Variants in AGAP4 observed in about 807,000 individuals in gnomAD.
AGAP4 encodes the protein arf-GAP with GTPase, ANK repeat and PH domain-containing protein 4.
Under a neutral mutation model 60.7 loss-of-function variants are expected in AGAP4, and 13 were observed. The observed-to-expected ratio is 0.21, with a 90% confidence interval of 0.14 to 0.34. The LOEUF is 0.34. AGAP4 is among the 10% of genes least tolerant of loss of function. The pLI is 1.00. For missense variants in AGAP4, 169 were observed against 884.0 expected (o/e 0.19, Z 10.26); for synonymous variants, 70 against 339.0 (o/e 0.21, Z 8.72).
chr10:45,841,212 C>T lies in AGAP4; in HGVS notation c.396+441G>A, dbSNP rs1318914865. On this transcript the variant is annotated intron_variant, in intron 4 of 7. Transcript: ENST00000616763. ...CCGCCTCCTGGGTTCAAGTGATTCTCCTGCCTCAGCCTCCTGAGTAGCTGA... is the reference window on the plus strand; with the variant it reads ...CCGCCTCCTGGGTTCAAGTGATTCTTCTGCCTCAGCCTCCTGAGTAGCTGA... Among the ~76,000 whole-genome samples the T allele has an allele frequency of 5.7e-5, 7 of 122,230 alleles. No homozygotes were observed. In the East Asian group the frequency reaches 7.7e-4, roughly 13 times the overall value. 80.2% of individuals were successfully genotyped at this position (122,230 alleles called of 152,430 possible).
chr10:45,851,594 C>T (rs1188458115), upstream of AGAP4, among the ~76,000 whole-genome samples: 1 of 150,788 alleles, frequency 6.6e-6, no homozygotes, highest in Non-Finnish European at 1.5e-5. Flanking sequence ...AAGTATTTGG[C>T]TGAGAAGAGA....
In AGAP4 at chr10:45,846,691, T is replaced by A; in HGVS notation, c.288A>T (p.Thr96=). ...ASTIFQRNSQ[T]DALEFNPSAN... ...CTACAGACACTGTTGTCTCACCATC[T>A]GTTTGAGAGTTCCTCTGGAATATTG... Residue 96 remains threonine, a synonymous_variant, in exon 2 of 8, where the codon ACA becomes ACT. Coordinates refer to ENST00000616763, the MANE Select transcript of AGAP4 (RefSeq NM_001276343.3). 1.7e-6 allele frequency: 2 copies of A among 1,156,570 alleles called. No individual in the cohort carries two copies. Among genetic ancestry groups the A allele is most frequent in the Non-Finnish European group, 2.4e-6 (2 of 844,490 alleles). 71.6% of individuals were successfully genotyped at this position (1,156,570 alleles called of 1,614,324 possible). A position where few individuals can be genotyped will look rare whatever the true frequency, so the allele number is the denominator to read the frequency against.
At chr10:45,849,707 C>G (rs1590043975), upstream of AGAP4, among the ~76,000 whole-genome samples, 2 of 150,516 alleles carry the variant, frequency 1.3e-5, no homozygotes, top group African/African-American at 4.9e-5. Flanking sequence ...ATGGCATGAT[C>G]TTGGCTCACT....
intron 4 of AGAP4, among the ~76,000 whole-genome samples, chr10:45,834,507 C>T (rs1214649044): frequency 4.1e-4 from 49 of 120,880 alleles, no homozygotes; most frequent in African/African-American, 5.5e-4. Flanking sequence ...AACCCCGTCT[C>T]TACTAAAAAT....
At position 45,838,830 on chromosome 10, in the gene AGAP4, C is replaced by T. The variant is rs1324018345; in HGVS notation, c.396+2823G>A. ...TTAATTAACTTAAATATTTCTAACA[C>T]TTTGGGCATTCAGGAAAACAGCTCC... On this transcript the variant is annotated intron_variant, in intron 4 of 7. Transcript: ENST00000616763. Among the ~76,000 whole-genome samples, 54 of 151,516 alleles carry T rather than the reference C, an allele frequency of 3.6e-4. No homozygotes were observed. The South Asian group carries it at 9.0e-3, about 25-fold the overall frequency.
intron 4 of AGAP4, among the ~76,000 whole-genome samples, chr10:45,837,732 G>C (rs1260096403): frequency 3.1e-3 from 467 of 149,896 alleles, no homozygotes; most frequent in African/African-American, 0.011. Flanking sequence ...GATGGATCAA[G>C]GACATAAATC....
At chr10:45,851,078 A>G (rs1412171545), upstream of AGAP4, among the ~76,000 whole-genome samples, 1 of 151,994 alleles carries the variant, frequency 6.6e-6, no homozygotes, top group Non-Finnish European at 1.5e-5. Context: ...CTTGTATAAA[A>G]TAAAGCTAAT....
intron 5 of AGAP4, among the ~76,000 whole-genome samples, chr10:45,832,023 C>T (rs1226259182): frequency 7.3e-6 from 1 of 137,032 alleles, no homozygotes; most frequent in African/African-American, 2.7e-5. Context: ...GATTCTCCTG[C>T]CTCAGCCTCC....
chr10:45,833,228 T>G (rs1338185494), intron 5 of AGAP4, among the ~76,000 whole-genome samples: 3 of 30,488 alleles, frequency 9.8e-5, no homozygotes, highest in Admixed American at 4.6e-4. Context: ...TCAACTATTG[T>G]TAAAAGGGAG....
In AGAP4 at chr10:45,844,620, G is replaced by C. The variant is rs2058971654; in HGVS notation, c.293-226C>G. 3.2e-5 allele frequency: 14 copies of C among 438,954 alleles called. No homozygotes were observed. The South Asian group carries it at 5.1e-4, about 16-fold the overall frequency. The allele number at this position is 438,954 out of a possible 1,614,324, so 27.2% of individuals were successfully genotyped here. A position where few individuals can be genotyped will look rare whatever the true frequency, so the allele number is the denominator to read the frequency against. On this transcript the variant is annotated intron_variant, in intron 2 of 7. Transcript: ENST00000616763. ...GGAAAATCACTTGAACCCAGGTCAG[G>C]AAGTTGAGGCCAGCATGAGTAACAT...
chr10:45,852,056 G>A (rs1484932650), upstream of AGAP4, among the ~76,000 whole-genome samples: 5 of 147,806 alleles, frequency 3.4e-5, no homozygotes, highest in East Asian at 2.0e-4. Context: ...GGGACTACAG[G>A]CACCCGTTAC....
At chr10:45,853,445 T>C (rs2059107820) in intron 1 of AGAP4, among the ~76,000 whole-genome samples, 1 of 151,476 alleles carries the variant, frequency 6.6e-6, no homozygotes, top group Non-Finnish European at 1.5e-5. Flanking sequence ...CTATGCCCAG[T>C]GATATGTGCA....
At chr10:45,836,917 T>A (rs1349165521) in intron 4 of AGAP4, among the ~76,000 whole-genome samples, 1 of 150,054 alleles carries the variant, frequency 6.7e-6, no homozygotes, top group Non-Finnish European at 1.5e-5. Flanking sequence ...CAGGCTGGAA[T>A]ATGCAGTGTG....
Position 45,844,345 on chromosome 10 carries a change from C to T in AGAP4, c.342G>A (p.Gln114=). ...TCTCACCATCTGTTTGAGAGTTCCT[C>T]TGGAATATTGTGCTTGCCTCTGGAT... is the stretch of plus-strand genomic sequence containing the variant. ...SANPEASTIF[Q]RNSQTDVVEI... is the part of the protein sequence containing the mutation. The change falls in exon 3 of 8, where the codon CAG becomes CAA. Residue 114 remains glutamine, a synonymous_variant. Coordinates refer to ENST00000616763, the MANE Select transcript of AGAP4 (RefSeq NM_001276343.3). 3.1e-6 allele frequency: 5 copies of T among 1,594,400 alleles called. No homozygotes were observed. Among genetic ancestry groups the T allele is most frequent in the Non-Finnish European group, 4.2e-6 (5 of 1,179,636 alleles).
intron 6 of AGAP4, 137 bp downstream of exon 6, chr10:45,831,257 A>G: frequency 1.8e-6 from 2 of 1,086,526 alleles, no homozygotes; most frequent in Non-Finnish European, 2.6e-6. Flanking sequence ...AGGAACAAAG[A>G]AAATACAAAT....
At chr10:45,831,454 C>A in intron 5 of AGAP4, 25 bp from the exon 6 acceptor site, 1 of 1,587,760 alleles carries the variant, frequency 6.3e-7, no homozygotes, top group Non-Finnish European at 8.5e-7. Context: ...AAATTCATAA[C>A]AATAGATGTT....
intron 4 of AGAP4, among the ~76,000 whole-genome samples, chr10:45,834,746 G>C (rs1298101538): frequency 9.3e-6 from 1 of 107,526 alleles, no homozygotes; most frequent in Non-Finnish European, 1.8e-5. Context: ...GCAATAAAAA[G>C]CAGCTGAGAA....
chr10:45,831,977 T>G (rs2058739166), intron 5 of AGAP4, among the ~76,000 whole-genome samples: 1 of 144,150 alleles, frequency 6.9e-6, no homozygotes, highest in East Asian at 2.0e-4. Context: ...TGGTGTGATC[T>G]CGGCTCACCA....
At position 45,831,643 on chromosome 10, in the gene AGAP4, C is replaced by T. The variant is rs1346829058; in HGVS notation, c.498-214G>A. Among the ~76,000 whole-genome samples, 14 of 124,660 alleles carry T rather than the reference C, an allele frequency of 1.1e-4. 1 individual carries two copies. Among genetic ancestry groups the T allele is most frequent in the Non-Finnish European group, 1.9e-4 (11 of 57,638 alleles). The allele number at this position is 124,660 out of a possible 152,430, so 81.8% of individuals were successfully genotyped here. ...CAAGGAAATATGCCGTTAGAAGACG[C>T]GTTTCTGTTGGTGATTACAATATAT... On this transcript the variant is annotated intron_variant, in intron 5 of 7. Transcript: ENST00000616763.
Sources: allele counts gnomAD v4.1 joint callset (sites outside exome capture counted in the v4.1 genomes callset), GRCh38; gene constraint gnomAD v4.1.1; transcripts MANE v1.5; gene names NCBI Gene and HGNC (gene_info 2026-07-23, HGNC 2026-07-21).